TNIK: variants seen among roughly 807,000 people sequenced by gnomAD.
TNIK encodes TRAF2 and NCK interacting kinase, also known as TRAF2 and NCK-interacting protein kinase.
TNIK carries 49 observed loss-of-function variants against 191.3 expected under a neutral mutation model. That is an observed-to-expected ratio of 0.26 (90% confidence interval 0.20 to 0.32). The LOEUF is 0.32. Among genes scored for constraint, TNIK ranks in the 10% least tolerant of loss-of-function variants. TNIK has a pLI of 1.00. For missense variants in TNIK, 1,155 were observed against 1,702.3 expected (o/e 0.68, Z 5.66); for synonymous variants, 594 against 600.9 (o/e 0.99, Z 0.17).
chr3:171,315,945 G>C (rs991683894), intron 2 of TNIK, among the ~76,000 whole-genome samples: 1 of 152,088 alleles, frequency 6.6e-6, no homozygotes, highest in Non-Finnish European at 1.5e-5. Context: ...TATATTCGGG[G>C]AGATACAAAC....
chr3:171,374,683 A>G (rs1456512466), intron 1 of TNIK, among the ~76,000 whole-genome samples: 2 of 152,236 alleles, frequency 1.3e-5, no homozygotes, highest in East Asian at 1.9e-4. Flanking sequence ...AAATATAACT[A>G]CATATCAAAA....
intron 2 of TNIK, among the ~76,000 whole-genome samples, chr3:171,314,873 T>A (rs1372419127): frequency 6.6e-6 from 1 of 152,146 alleles, no homozygotes; most frequent in African/African-American, 2.4e-5. Context: ...ATCTGATTAG[T>A]GTAGCTTTCA....
At chr3:171,303,233 A>G (rs1753069622) in intron 2 of TNIK, among the ~76,000 whole-genome samples, 1 of 152,206 alleles carries the variant, frequency 6.6e-6, no homozygotes, top group Admixed American at 6.6e-5. Flanking sequence ...CTAGGAAAAA[A>G]AAATTTAAGT....
At position 171,366,216 on chromosome 3, in the gene TNIK, G is replaced by A. The variant is rs776599083; in HGVS notation, c.123+3404C>T. Among the ~76,000 whole-genome samples the A allele has an allele frequency of 6.6e-6, 1 of 152,060 alleles. No individual in the cohort carries two copies. The highest frequency in any genetic ancestry group is 2.4e-5 in the African/African-American group (1 of 41,392). On this transcript the variant is annotated intron_variant, in intron 2 of 32. Transcript: ENST00000436636. This position sits in a 1 kb window ranked among gnomAD's most constrained non-coding sequence, Gnocchi z 4.1. ...AGATGGTTTCCTCATTAAAAGTCCT[G>A]AGAGTGAATCACTATTCTTTATTAT...
rs566971339 is a variant in TNIK at position 171,077,125 on chromosome 3, T to C, written c.3448+2393A>G. The stretch of plus-strand genomic sequence containing the variant: ...TTCTATGTATCTCTCTCTAAGCACA[T>C]GTAAACTTTCTGCTGATAAATGCCC... On this transcript the variant is annotated intron_variant, in intron 28 of 32. Coordinates refer to ENST00000436636, the MANE Select transcript of TNIK (RefSeq NM_015028.4). Among the ~76,000 whole-genome samples, 10 of 143,804 alleles carry C rather than the reference T, an allele frequency of 7.0e-5. No individual in the cohort carries two copies. The South Asian group carries it at 2.3e-3, about 33-fold the overall frequency. 94.3% of individuals were successfully genotyped at this position (143,804 alleles called of 152,430 possible).
chr3:171,103,957 T>G (rs1477289889), intron 21 of TNIK, among the ~76,000 whole-genome samples: 1 of 152,156 alleles, frequency 6.6e-6, no homozygotes, highest in Non-Finnish European at 1.5e-5. Context: ...AACATTGTAT[T>G]TAGAAACACT....
chr3:171,237,263 A>G (rs574860766), intron 2 of TNIK, among the ~76,000 whole-genome samples: 1 of 152,332 alleles, frequency 6.6e-6, no homozygotes, highest in Admixed American at 6.5e-5. Context: ...AGCAGTTTTA[A>G]TTAAAACAAA....
At chr3:171,120,421 C>T (rs531810408) in intron 18 of TNIK, among the ~76,000 whole-genome samples, 13 of 150,478 alleles carry the variant, frequency 8.6e-5, no homozygotes, top group Middle Eastern at 6.8e-3. Context: ...CCCGGATTCG[C>T]GCCATTCTCC....
At chr3:171,253,829 G>A (rs1325089491) in intron 2 of TNIK, among the ~76,000 whole-genome samples, 1 of 152,138 alleles carries the variant, frequency 6.6e-6, no homozygotes, top group Non-Finnish European at 1.5e-5. Context: ...CATTCTTGAA[G>A]GTTGGAAAAC....
chr3:171,125,979 A>G lies in TNIK; in HGVS notation c.1946T>C (p.Leu649Pro). The G allele has an allele frequency of 1.9e-6, 3 of 1,613,870 alleles. No homozygotes were observed. The highest frequency in any genetic ancestry group is 2.5e-6 in the Non-Finnish European group (3 of 1,179,862). ...NSDPTSENPP[L>P]PTRIEKFDRS... ...GTCAAACTTTTCAATGCGAGTGGGG[A>G]GAGGAGGATTTTCCGAGGTGGGATC... Residue 649 changes from leucine to proline, a missense_variant, in exon 17 of 33, where the codon CTC becomes CCC. By Grantham distance (98) the Leu-to-Pro change is moderately conservative. This residue lies in a region of TNIK where 735 missense variants were observed against 848.0 expected (regional missense o/e 0.87). Coordinates refer to ENST00000436636, the MANE Select transcript of TNIK (RefSeq NM_015028.4).
chr3:171,137,387 T>C (rs1576928652), intron 15 of TNIK, among the ~76,000 whole-genome samples: 1 of 151,990 alleles, frequency 6.6e-6, no homozygotes, highest in African/African-American at 2.4e-5. Context: ...CCAGCTATGA[T>C]CACCATAAAA....
rs571983290 is a variant in TNIK at position 171,371,051 on chromosome 3, C to T, written c.58-1366G>A. Among the ~76,000 whole-genome samples, 10 of 152,114 alleles carry T rather than the reference C, an allele frequency of 6.6e-5. No individual in the cohort carries two copies. The East Asian group carries it at 7.7e-4, about 12-fold the overall frequency. On this transcript the variant is annotated intron_variant, in intron 1 of 32. Transcript: ENST00000436636. ...CCAGCTGTGTGATCCTAGGAGACCC[C>T]GAGAAAGCAACATATTGTCTGGGTC... is the stretch of plus-strand genomic sequence containing the variant.
intron 2 of TNIK, among the ~76,000 whole-genome samples, chr3:171,299,636 T>C (rs1052851395): frequency 6.6e-6 from 1 of 152,188 alleles, no homozygotes; most frequent in Non-Finnish European, 1.5e-5. Flanking sequence ...ACCAGGACTA[T>C]AGCTTTCTGA....
chr3:171,359,839 G>A (rs1048217954), intron 2 of TNIK, among the ~76,000 whole-genome samples: 1 of 152,148 alleles, frequency 6.6e-6, no homozygotes, highest in Non-Finnish European at 1.5e-5. Context: ...ACCGTGAAGA[G>A]CCCTAAATTC....
chr3:171,427,229 A>G (rs1342854162), intron 1 of TNIK, among the ~76,000 whole-genome samples: 1 of 152,106 alleles, frequency 6.6e-6, no homozygotes, highest in Non-Finnish European at 1.5e-5. Flanking sequence ...GCTCCTCTCC[A>G]TCTCAGCAGA....
chr3:171,119,739 T>A (rs910894322), intron 18 of TNIK, among the ~76,000 whole-genome samples: 5 of 150,982 alleles, frequency 3.3e-5, no homozygotes, highest in Admixed American at 3.3e-4. Context: ...TAGGTGGGAA[T>A]TGAACAATGA....
At chr3:171,422,628 T>C (rs565498386) in intron 1 of TNIK, among the ~76,000 whole-genome samples, 10 of 152,360 alleles carry the variant, frequency 6.6e-5, no homozygotes, top group African/African-American at 2.2e-4. Flanking sequence ...ATACCTACTA[T>C]GTACTGGAAA....
At chr3:171,150,340 C>A (rs1407891806) in intron 12 of TNIK, among the ~76,000 whole-genome samples, 1 of 152,166 alleles carries the variant, frequency 6.6e-6, no homozygotes, top group African/African-American at 2.4e-5. Flanking sequence ...ATGTCTTGCT[C>A]AAAATTACAA....
At chr3:171,264,022 A>ATGTG (rs200513470) in intron 2 of TNIK, among the ~76,000 whole-genome samples, 1 of 145,080 alleles carries the variant, frequency 6.9e-6, no homozygotes, top group African/African-American at 2.5e-5. Context: ...TTATATATGT[A>ATGTG]TGTGTGTGTG....
Sources: allele counts gnomAD v4.1 joint callset (sites outside exome capture counted in the v4.1 genomes callset), GRCh38; gene constraint gnomAD v4.1.1; regional missense constraint gnomAD v4.1.1; non-coding constraint Gnocchi (gnomAD v3.1); transcripts MANE v1.5; gene names NCBI Gene and HGNC (gene_info 2026-07-23, HGNC 2026-07-21).